LINGO2: variants seen among roughly 807,000 people sequenced by gnomAD.
LINGO2 encodes leucine-rich repeat and immunoglobulin-like domain-containing nogo receptor-interacting protein 2.
Under a neutral mutation model 30.6 loss-of-function variants are expected in LINGO2, and 14 were observed. That is an observed-to-expected ratio of 0.46 (90% CI 0.30 to 0.72). The LOEUF (loss-of-function observed/expected upper bound fraction) is 0.72. LINGO2 is among the 30% of genes least tolerant of loss of function. The pLI, the probability that LINGO2 is intolerant of heterozygous loss-of-function variation, is 0.07. For missense variants in LINGO2, 729 were observed against 751.7 expected, an observed-to-expected ratio of 0.97 and a Z score of 0.35; for synonymous variants, 317 against 288.5, an observed-to-expected ratio of 1.10 and a Z score of -1.00.
At chr9:28,689,925 C>A in the LINGO2 span, among the ~76,000 whole-genome samples, 1 of 152,052 alleles carries the variant, frequency 6.6e-6, no homozygotes, top group Non-Finnish European at 1.5e-5. Flanking sequence ...TGTAGGAATC[C>A]ATAGATGGAA....
At chr9:29,042,677 G>A in the LINGO2 span, among the ~76,000 whole-genome samples, 1 of 151,810 alleles carries the variant, frequency 6.6e-6, no homozygotes, top group Non-Finnish European at 1.5e-5. Flanking sequence ...TATTTATGAT[G>A]TACAATGTGC....
intron 1 of LINGO2, among the ~76,000 whole-genome samples, chr9:28,526,754 C>T (rs1283528389): frequency 6.6e-6 from 1 of 152,220 alleles, no homozygotes; most frequent in Non-Finnish European, 1.5e-5. Flanking sequence ...TGCCACATTA[C>T]AGGATGCCAT....
chr9:28,465,046 G>T (rs1825240749), intron 2 of LINGO2, among the ~76,000 whole-genome samples: 1 of 152,204 alleles, frequency 6.6e-6, no homozygotes, highest in South Asian at 2.1e-4. Flanking sequence ...GCCTGTGGCA[G>T]TGTCTACAGG....
At chr9:28,765,930 C>T in the LINGO2 span, among the ~76,000 whole-genome samples, 1 of 151,980 alleles carries the variant, frequency 6.6e-6, no homozygotes, top group Non-Finnish European at 1.5e-5. Flanking sequence ...CTGTCATACA[C>T]TGCACACAAA....
intron 4 of LINGO2, among the ~76,000 whole-genome samples, chr9:28,023,092 C>A (rs960120398): frequency 6.6e-6 from 1 of 152,016 alleles, no homozygotes; most frequent in African/African-American, 2.4e-5. Context: ...CAATTAGAGC[C>A]TTTAACATAT....
the LINGO2 span, among the ~76,000 whole-genome samples, chr9:28,730,693 A>G: frequency 1.3e-5 from 2 of 152,198 alleles, no homozygotes; most frequent in Non-Finnish European, 2.9e-5. Context: ...TATAAAAAGA[A>G]GTTTTATACA....
the LINGO2 span, among the ~76,000 whole-genome samples, chr9:29,133,939 C>T: frequency 6.6e-6 from 1 of 152,066 alleles, no homozygotes; most frequent in Non-Finnish European, 1.5e-5. Context: ...CTCCCTCCTT[C>T]CCTCACTAAA....
intron 1 of LINGO2, among the ~76,000 whole-genome samples, chr9:28,642,814 G>A (rs944699482): frequency 9.2e-5 from 14 of 152,042 alleles, no homozygotes; most frequent in East Asian, 3.9e-4. Flanking sequence ...TGGTGTGACC[G>A]TTAGAATATA....
chr9:28,289,415 T>C (rs2134161527), intron 4 of LINGO2, among the ~76,000 whole-genome samples: 1 of 152,210 alleles, frequency 6.6e-6, no homozygotes, highest in East Asian at 1.9e-4. Flanking sequence ...GGATTCACTT[T>C]GAAGGGCTAT....
At chr9:29,107,929 TGA>T in the LINGO2 span, among the ~76,000 whole-genome samples, 1 of 150,546 alleles carries the variant, frequency 6.6e-6, no homozygotes, top group African/African-American at 2.4e-5. Flanking sequence ...ACCAAAATAC[TGA>T]GAGAGTATTC....
the LINGO2 span, among the ~76,000 whole-genome samples, chr9:28,917,362 T>C: frequency 2.0e-5 from 3 of 152,038 alleles, no homozygotes; most frequent in Non-Finnish European, 2.9e-5. Flanking sequence ...ATTGTCTTTC[T>C]CCCAGTTCTA....
At chr9:28,070,458 A>C (rs1825440732) in intron 4 of LINGO2, among the ~76,000 whole-genome samples, 1 of 152,188 alleles carries the variant, frequency 6.6e-6, no homozygotes, top group African/African-American at 2.4e-5. Flanking sequence ...TAATCATTTC[A>C]GTTTATTTGA....
At chr9:28,928,550 T>C in the LINGO2 span, among the ~76,000 whole-genome samples, 1 of 152,134 alleles carries the variant, frequency 6.6e-6, no homozygotes, top group African/African-American at 2.4e-5. Flanking sequence ...ACACAGGCAC[T>C]GAGGTTCCAC....
At chr9:28,835,519 A>C in the LINGO2 span, among the ~76,000 whole-genome samples, 1 of 152,138 alleles carries the variant, frequency 6.6e-6, no homozygotes, top group Admixed American at 6.5e-5. Context: ...CACTTTAGAA[A>C]CCCATTTGTT....
intron 4 of LINGO2, among the ~76,000 whole-genome samples, chr9:28,293,846 A>G (rs756271278): frequency 3.9e-5 from 6 of 152,310 alleles, no homozygotes; most frequent in Middle Eastern, 3.4e-3. Context: ...CGCTACAGTT[A>G]TGTGTTAGAT....
chr9:28,831,899 A>G, the LINGO2 span, among the ~76,000 whole-genome samples: 2 of 152,194 alleles, frequency 1.3e-5, no homozygotes, highest in Non-Finnish European at 2.9e-5. Context: ...TTAATTTTAT[A>G]TTTATTATTT....
At chr9:28,515,747 AT>A (rs377118306) in intron 1 of LINGO2, among the ~76,000 whole-genome samples, 15 of 152,308 alleles carry the variant, frequency 9.8e-5, no homozygotes, top group African/African-American at 3.1e-4. Flanking sequence ...ACAACAAAGG[AT>A]TTTAGAACAT....
chr9:27,951,880 C>A (rs1343587978), intron 5 of LINGO2, among the ~76,000 whole-genome samples: 2 of 151,998 alleles, frequency 1.3e-5, no homozygotes, highest in African/African-American at 4.8e-5. Context: ...TGTCTACAAC[C>A]ACAGTATGTC....
chr9:28,117,880 T>C (rs1269405641), intron 4 of LINGO2, among the ~76,000 whole-genome samples: 1 of 152,146 alleles, frequency 6.6e-6, no homozygotes, highest in Non-Finnish European at 1.5e-5. Flanking sequence ...AATAAATGTT[T>C]ATTAAAAAGA....
Sources: gnomAD v4.1 joint callset for allele counts (sites outside exome capture counted in the v4.1 genomes callset) on GRCh38, gnomAD v4.1.1 for gene constraint, MANE v1.5 for transcripts, NCBI Gene and HGNC (gene_info 2026-07-23, HGNC 2026-07-21) for gene names.